TOP1: variants seen among roughly 807,000 people sequenced by gnomAD.
The protein encoded by TOP1 is DNA topoisomerase 1.
A neutral mutation model predicts 111.1 loss-of-function variants in TOP1; 10 were observed. That is an observed-to-expected ratio of 0.09 (90% CI 0.06 to 0.15). The LOEUF is 0.15. TOP1 is among the 10% of genes least tolerant of loss of function. The probability of loss-of-function intolerance (pLI) is 1.00; values close to 1 mark genes in which losing one functional copy is unlikely to be tolerated. For synonymous variants in TOP1, 271 were observed against 302.9 expected (o/e 0.89, Z 1.10); for missense variants, 474 against 926.7 (o/e 0.51, Z 6.34).
intron 13 of TOP1, among the ~76,000 whole-genome samples, chr20:41,111,842 A>AATTCCC (rs2034247320): frequency 6.6e-6 from 1 of 151,984 alleles, no homozygotes; most frequent in Non-Finnish European, 1.5e-5. Context: ...ATGCTGTTTT[A>AATTCCC]TGTAATTCCC....
At chr20:41,073,906 G>A (rs2033695952) in intron 3 of TOP1, among the ~76,000 whole-genome samples, 1 of 152,160 alleles carries the variant, frequency 6.6e-6, no homozygotes, top group Non-Finnish European at 1.5e-5. Flanking sequence ...AGATGCAATT[G>A]TTCCCAGATG....
At position 41,084,584 on chromosome 20, in the gene TOP1, T is replaced by C. The variant is rs756919105; in HGVS notation, c.614+16T>C. 7.9e-5 allele frequency: 113 copies of C among 1,429,446 alleles called. No homozygotes were observed. The highest frequency in any genetic ancestry group is 1.0e-4 in the Non-Finnish European group (110 of 1,059,374). 88.5% of individuals were successfully genotyped at this position (1,429,446 alleles called of 1,614,324 possible). Reference sequence around the variant, plus strand: ...AGTGGAAATGGTAACATCTCAGCACTGGGTTAAAATGCCACCTTTTTTATT... The same window carrying C: ...AGTGGAAATGGTAACATCTCAGCACCGGGTTAAAATGCCACCTTTTTTATT... On this transcript the variant is annotated intron_variant, in intron 8 of 20. Coordinates refer to ENST00000361337, the MANE Select transcript of TOP1 (RefSeq NM_003286.4).
At chr20:41,053,888 T>C (rs922369802) in intron 2 of TOP1, among the ~76,000 whole-genome samples, 1 of 152,188 alleles carries the variant, frequency 6.6e-6, no homozygotes, top group Non-Finnish European at 1.5e-5. Context: ...GCTGAATTGT[T>C]AGGCATGGGA....
intron 3 of TOP1, 109 bp from the exon 4 acceptor site, chr20:41,076,062 G>A: frequency 2.6e-6 from 3 of 1,162,662 alleles, no homozygotes; most frequent in Non-Finnish European, 3.6e-6. Context: ...GGTACTGTTT[G>A]TTTAAGTACT....
intron 8 of TOP1, among the ~76,000 whole-genome samples, chr20:41,086,338 T>C (rs1417800366): frequency 6.6e-6 from 1 of 152,160 alleles, no homozygotes; most frequent in Non-Finnish European, 1.5e-5. Flanking sequence ...TAAGAACTAA[T>C]ACATTTTCAG....
rs1015530123 is a variant in TOP1, at chr20:41,107,343, T to C, written c.1309-5439T>C. On this transcript the variant is annotated intron_variant, in intron 13 of 20. Coordinates refer to ENST00000361337, the MANE Select transcript of TOP1 (RefSeq NM_003286.4). ...TTTTTAGAGTCCTATTAGATGAGTG[T>C]TGACACTTTTCAATCTAGACATCTT... Among the ~76,000 whole-genome samples the C allele has an allele frequency of 2.2e-4, 34 of 152,336 alleles. 1 individual carries two copies. Among genetic ancestry groups the C allele is most frequent in the African/African-American group, 8.2e-4 (34 of 41,584 alleles).
At chr20:41,113,044 T>C in intron 14 of TOP1, 119 bp downstream of exon 14, 11 of 1,072,830 alleles carry the variant, frequency 1.0e-5, no homozygotes, top group Non-Finnish European at 1.4e-5. Context: ...TATATTTGTA[T>C]GTAAAACTGA....
chr20:41,040,633 C>T (rs1374193208), intron 2 of TOP1, among the ~76,000 whole-genome samples: 1 of 151,970 alleles, frequency 6.6e-6, no homozygotes, highest in East Asian at 1.9e-4. Flanking sequence ...AAAAAAACCT[C>T]ATCTCTACTA....
At position 41,032,830 on chromosome 20, in the gene TOP1, C is replaced by T. The variant is rs918035393; in HGVS notation, c.58+3375C>T. Among the ~76,000 whole-genome samples the T allele has an allele frequency of 2.0e-5, 3 of 152,092 alleles. No homozygotes were observed. The highest frequency in any genetic ancestry group is 4.4e-5 in the Non-Finnish European group (3 of 68,020). On this transcript the variant is annotated intron_variant, in intron 2 of 20. Coordinates refer to ENST00000361337, the MANE Select transcript of TOP1 (RefSeq NM_003286.4). The surrounding 1 kb of genome is among the most constrained non-coding windows in gnomAD (Gnocchi z 4.3). ...GGATGGGCGGTAGCATAGCTGATTGCGGTGGGGGAATTTCAGATAGCTGAT... is the reference window on the plus strand; with the variant it reads ...GGATGGGCGGTAGCATAGCTGATTGTGGTGGGGGAATTTCAGATAGCTGAT...
rs1443399022 is a variant in TOP1, at chr20:41,029,921, AC to A, written c.58+467del. Among the ~76,000 whole-genome samples the A allele has an allele frequency of 2.0e-5, 3 of 152,086 alleles. No homozygotes were observed. Among genetic ancestry groups the A allele is most frequent in the African/African-American group, 7.2e-5 (3 of 41,404 alleles). Reference sequence around the variant, plus strand: ...TTCACCAGAGAGGGAAGGCTGGGGGACTGAATTATTATTTTTTAAACTTTAT... The same window carrying A: ...TTCACCAGAGAGGGAAGGCTGGGGGATGAATTATTATTTTTTAAACTTTAT... On this transcript the variant is annotated intron_variant, in intron 2 of 20. Coordinates refer to ENST00000361337, the MANE Select transcript of TOP1 (RefSeq NM_003286.4). This position sits in a 1 kb window ranked among gnomAD's most constrained non-coding sequence, Gnocchi z 6.1.
In TOP1 at chr20:41,082,626, A is replaced by G. The variant is rs146596920; in HGVS notation, c.507+1386A>G. 7.4e-4 allele frequency among the ~76,000 whole-genome samples: 112 copies of G among 152,354 alleles called. No homozygotes were observed. Among genetic ancestry groups the G allele is most frequent in the African/African-American group, 2.6e-3 (108 of 41,578 alleles). On this transcript the variant is annotated intron_variant, in intron 7 of 20. Transcript: ENST00000361337. The surrounding 1 kb of genome is among the most constrained non-coding windows in gnomAD (Gnocchi z 4.1). ...AGACCATTAGTGAGTGAGTTGAGCC[A>G]TAGAGAGATGATCAGGTCCTGAATT... is the stretch of plus-strand genomic sequence containing the variant.
intron 13 of TOP1, among the ~76,000 whole-genome samples, chr20:41,103,558 G>C (rs2034097683): frequency 6.6e-6 from 1 of 152,124 alleles, no homozygotes; most frequent in Non-Finnish European, 1.5e-5. Context: ...AAAGTACAGG[G>C]TGCCATCTGA....
In TOP1 at chr20:41,112,818, C is replaced by T. The variant is rs1346009286; in HGVS notation, c.1345C>T (p.Arg449Trp). The T allele has an allele frequency of 6.2e-7, 1 of 1,614,150 alleles. No individual in the cohort carries two copies. Among genetic ancestry groups the T allele is most frequent in the Non-Finnish European group, 8.5e-7 (1 of 1,180,030 alleles). The change falls in exon 14 of 21, where the codon CGG (arginine) becomes TGG (tryptophan). Residue 449 changes from arginine to tryptophan, a missense_variant. This residue lies in a region of TOP1 where 14 missense variants were observed against 22.2 expected (regional missense o/e 0.63). Transcript: ENST00000361337. The surrounding 1 kb of genome is among the most constrained non-coding windows in gnomAD (Gnocchi z 5.8). ...CTGGCAGAAATACGAGACTGCTCGGCGGCTGAAAAAATGTGTGGACAAGAT... is the reference window on the plus strand; with the variant it reads ...CTGGCAGAAATACGAGACTGCTCGGTGGCTGAAAAAATGTGTGGACAAGAT... Reference protein sequence around the residue: ...KDWQKYETARRLKKCVDKIRN... With the variant: ...KDWQKYETARWLKKCVDKIRN...
At chr20:41,031,183 TAA>T (rs1190530871) in intron 2 of TOP1, among the ~76,000 whole-genome samples, 1 of 152,128 alleles carries the variant, frequency 6.6e-6, no homozygotes, top group East Asian at 1.9e-4. Flanking sequence ...ATCACGATTT[TAA>T]AAGAGGGAGG....
Position 41,078,896 on chromosome 20 carries a change from G to A in TOP1, c.336-1189G>A, listed in dbSNP as rs60391699. Among the ~76,000 whole-genome samples the A allele has an allele frequency of 6.6e-6, 1 of 152,240 alleles. No individual in the cohort carries two copies. Among genetic ancestry groups the A allele is most frequent in the Admixed American group, 6.5e-5 (1 of 15,288 alleles). ...TACAGTTTTCAGGTAAATTGTTTTA[G>A]GACTTCTTCCTTCAGACCTAAGTAA... On this transcript the variant is annotated intron_variant, in intron 5 of 20. Transcript: ENST00000361337. The surrounding 1 kb of genome is among the most constrained non-coding windows in gnomAD (Gnocchi z 5.3).
rs546949757 is a variant in TOP1 at position 41,083,574 on chromosome 20, C to G, written c.508-888C>G. Among the ~76,000 whole-genome samples the G allele has an allele frequency of 2.0e-5, 3 of 152,210 alleles. No homozygotes were observed. The South Asian group carries it at 6.2e-4, about 32-fold the overall frequency. On this transcript the variant is annotated intron_variant, in intron 7 of 20. Transcript: ENST00000361337. This position sits in a 1 kb window ranked among gnomAD's most constrained non-coding sequence, Gnocchi z 7.2. ...TTGTAACTGGAAGTGGTTAAATGAA[C>G]CCATCCATACACTTTCCAGCTGTGC... is the stretch of plus-strand genomic sequence containing the variant.
At chr20:41,051,694 C>G (rs2033407765) in intron 2 of TOP1, among the ~76,000 whole-genome samples, 1 of 151,888 alleles carries the variant, frequency 6.6e-6, no homozygotes, top group Non-Finnish European at 1.5e-5. Flanking sequence ...AGTTTACTTC[C>G]TTTTTCATAA....
chr20:41,073,027 A>C, intron 3 of TOP1: 1 of 985,350 alleles, frequency 1.0e-6, no homozygotes, highest in Non-Finnish European at 1.2e-6. Flanking sequence ...TCCTATATAC[A>C]TCTCTTTCTG....
intron 2 of TOP1, among the ~76,000 whole-genome samples, chr20:41,036,857 G>A (rs150228091): frequency 0.11 from 15,127 of 141,592 alleles, 1,173 homozygotes; most frequent in Non-Finnish European, 0.15. Context: ...TTGAGATGGA[G>A]TCTCACTCTG....
Sources: gnomAD v4.1 joint callset for allele counts (sites outside exome capture counted in the v4.1 genomes callset) on GRCh38, gnomAD v4.1.1 for gene constraint, gnomAD v4.1.1 regional missense constraint, Gnocchi (gnomAD v3.1) non-coding constraint, MANE v1.5 for transcripts, NCBI Gene and HGNC (gene_info 2026-07-23, HGNC 2026-07-21) for gene names.